ORC4: variants seen among roughly 807,000 people sequenced by gnomAD.
ORC4 encodes the protein origin recognition complex subunit 4.
A neutral mutation model predicts 63.9 loss-of-function variants in ORC4; 55 were observed. That is an observed-to-expected ratio of 0.86 (90% CI 0.69 to 1.08). ORC4 has a LOEUF of 1.08. ORC4 is among the 50% of genes least tolerant of loss of function. ORC4 has a pLI of 0.00. For missense variants in ORC4, 511 were observed against 504.4 expected (o/e 1.01, Z -0.13); for synonymous variants, 150 against 168.5 (o/e 0.89, Z 0.85).
At position 147,973,533 on chromosome 2, in the gene ORC4, A is replaced by G. The variant is rs761841247; in HGVS notation, c.58-9T>C. The G allele has an allele frequency of 2.9e-5, 42 of 1,428,402 alleles. No homozygotes were observed. The Middle Eastern group carries it at 7.0e-4, about 24-fold the overall frequency. The allele number at this position is 1,428,402 out of a possible 1,614,324, so 88.5% of individuals were successfully genotyped here. On this transcript the variant is annotated splice_polypyrimidine_tract_variant and intron_variant, in intron 2 of 13. Coordinates refer to ENST00000392857, the MANE Select transcript of ORC4 (RefSeq NM_181741.4). The stretch of plus-strand genomic sequence containing the variant: ...CGTAAAATTCTTTGTACCTGATGAA[A>G]ATAAAGTGAATAAATATAAATAAAA...
intron 5 of ORC4, 151 bp from the exon 6 acceptor site, chr2:147,958,534 G>T: frequency 1.7e-6 from 1 of 591,770 alleles, no homozygotes; most frequent in Non-Finnish European, 2.9e-6. Context: ...ACATTCGGTA[G>T]AATCAAAAAA....
At position 147,945,595 on chromosome 2, in the gene ORC4, T is replaced by C. The variant is rs16828046; in HGVS notation, c.763-2073A>G. Among the ~76,000 whole-genome samples, 1,067 of 152,244 alleles carry C rather than the reference T, an allele frequency of 7.0e-3. 10 individuals carry two copies. Among genetic ancestry groups the C allele is most frequent in the African/African-American group, 0.024 (996 of 41,572 alleles). ...TGTTCTTTTCAAAGGATCCCTCTTA[T>C]ACTGCCATGCTAAGATAGAGTCTAC... On this transcript the variant is annotated intron_variant, in intron 9 of 13. Transcript: ENST00000392857.
Position 147,938,218 on chromosome 2 carries a change from G to A in ORC4, c.1055-5C>T. The A allele has an allele frequency of 6.2e-7, 1 of 1,611,750 alleles. No individual in the cohort carries two copies. The highest frequency in any genetic ancestry group is 8.5e-7 in the Non-Finnish European group (1 of 1,178,148). On this transcript the variant is annotated splice_region_variant and splice_polypyrimidine_tract_variant and intron_variant, in intron 12 of 13. Coordinates refer to ENST00000392857, the MANE Select transcript of ORC4 (RefSeq NM_181741.4). ...TTTGAACAAACTTCTGAAACTCTGA[G>A]TAGAAAGCAATGACAACATTATACC...
chr2:148,001,783 C>T (rs750379185), intron 1 of ORC4, among the ~76,000 whole-genome samples: 2 of 152,084 alleles, frequency 1.3e-5, no homozygotes, highest in Non-Finnish European at 2.9e-5. Flanking sequence ...TGTAAATGGG[C>T]TAACTGGCCC....
Position 147,939,224 on chromosome 2 carries a change from C to G in ORC4, c.874G>C (p.Ala292Pro), listed in dbSNP as rs372339370. The G allele has an allele frequency of 6.2e-7, 1 of 1,611,872 alleles. No individual in the cohort carries two copies. Among genetic ancestry groups the G allele is most frequent in the African/African-American group, 1.3e-5 (1 of 74,824 alleles). ...LLMLALNRVT[A>P]SHPFMTAVDL... ...ACGGCAGTCATAAATGGGTGCGATG[C>G]TGTTACTCGATTTAAAGCAAGCATC... The change falls in exon 11 of 14, where the codon GCA becomes CCA. Residue 292 changes from alanine (A) to proline (P), a missense_variant. Coordinates refer to ENST00000392857, the MANE Select transcript of ORC4 (RefSeq NM_181741.4).
At chr2:147,958,909 A>T (rs955968954) in intron 4 of ORC4, 43 bp from the exon 5 acceptor site, 3 of 826,800 alleles carry the variant, frequency 3.6e-6, no homozygotes, top group Admixed American at 1.9e-5. Flanking sequence ...GTAAAAGATA[A>T]AAATAAGTCC....
intron 1 of ORC4, among the ~76,000 whole-genome samples, chr2:148,002,552 C>A (rs1478620876): frequency 6.6e-6 from 1 of 152,072 alleles, no homozygotes; most frequent in Non-Finnish European, 1.5e-5. Flanking sequence ...TAAATACATT[C>A]TTTAAAACCA....
chr2:147,937,539 C>T (rs1016583902), intron 13 of ORC4, among the ~76,000 whole-genome samples: 6 of 152,032 alleles, frequency 3.9e-5, no homozygotes, highest in African/African-American at 1.4e-4. Flanking sequence ...TGTAAAATAC[C>T]TTACTGTTCT....
chr2:147,993,335 G>C (rs1307387960), intron 1 of ORC4, among the ~76,000 whole-genome samples: 1 of 151,768 alleles, frequency 6.6e-6, no homozygotes, highest in Non-Finnish European at 1.5e-5. Flanking sequence ...AAGTTAATTA[G>C]TAAATATTAA....
chr2:147,979,638 A>G (rs1041050624), intron 1 of ORC4, among the ~76,000 whole-genome samples: 2 of 152,212 alleles, frequency 1.3e-5, no homozygotes, highest in Non-Finnish European at 2.9e-5. Flanking sequence ...TCATGAGCTA[A>G]AGAACAATGC....
intron 10 of ORC4, among the ~76,000 whole-genome samples, chr2:147,939,666 A>C (rs1688254726): frequency 6.6e-6 from 1 of 152,126 alleles, no homozygotes; most frequent in Non-Finnish European, 1.5e-5. Flanking sequence ...GTTAGTATTA[A>C]TTTAGACAGA....
intron 1 of ORC4, among the ~76,000 whole-genome samples, chr2:147,999,935 A>G (rs1254996860): frequency 6.6e-6 from 1 of 152,062 alleles, no homozygotes; most frequent in African/African-American, 2.4e-5. Context: ...CATAAAAAGA[A>G]AACATAACAG....
At chr2:147,977,562 T>C (rs1404951738) in intron 1 of ORC4, among the ~76,000 whole-genome samples, 1 of 152,138 alleles carries the variant, frequency 6.6e-6, no homozygotes. Flanking sequence ...GCCCAAGACC[T>C]GGAAAAGTCA....
At chr2:147,995,890 A>G (rs1318506837) in intron 1 of ORC4, among the ~76,000 whole-genome samples, 2 of 152,014 alleles carry the variant, frequency 1.3e-5, no homozygotes, top group African/African-American at 4.8e-5. Flanking sequence ...TTCCAGACAC[A>G]TCGGGAAGCT....
intron 4 of ORC4, among the ~76,000 whole-genome samples, chr2:147,961,329 C>T (rs1027723000): frequency 8.6e-5 from 13 of 151,356 alleles, no homozygotes; most frequent in African/African-American, 2.4e-4. Context: ...CCCAGCTACT[C>T]GGGAGGCAAA....
chr2:147,946,505 A>G (rs1258852729), intron 9 of ORC4, among the ~76,000 whole-genome samples: 1 of 152,004 alleles, frequency 6.6e-6, no homozygotes, highest in Non-Finnish European at 1.5e-5. Context: ...AAAGGGGACA[A>G]TGTGGGAGTA....
At chr2:147,960,467 A>T in intron 4 of ORC4, 3 of 556,350 alleles carry the variant, frequency 5.4e-6, no homozygotes, top group Non-Finnish European at 6.8e-6. Context: ...CACTAAAAAT[A>T]TTTAGTTGGT....
chr2:147,941,666 T>A (rs1385327648), intron 10 of ORC4, among the ~76,000 whole-genome samples: 1 of 152,012 alleles, frequency 6.6e-6, no homozygotes, highest in Non-Finnish European at 1.5e-5. Flanking sequence ...AGCCATTATT[T>A]AATTCATTAC....
At chr2:147,983,583 C>T (rs919861460) in intron 1 of ORC4, among the ~76,000 whole-genome samples, 6 of 152,080 alleles carry the variant, frequency 3.9e-5, no homozygotes, top group South Asian at 2.1e-4. Flanking sequence ...TCTATGGAAA[C>T]GAATGTCAAC....
Sources: allele counts gnomAD v4.1 joint callset (sites outside exome capture counted in the v4.1 genomes callset), GRCh38; gene constraint gnomAD v4.1.1; transcripts MANE v1.5; gene names NCBI Gene and HGNC (gene_info 2026-07-23, HGNC 2026-07-21).